The following SYTL1 variants were observed in gnomAD, a reference collection of about 807,000 sequenced individuals.
SYTL1 encodes the protein synaptotagmin like 1, also known as synaptotagmin-like protein 1.
A neutral mutation model predicts 74.6 loss-of-function variants in SYTL1; 53 were observed. The observed-to-expected ratio is 0.71, with a 90% confidence interval of 0.57 to 0.89. The LOEUF (loss-of-function observed/expected upper bound fraction) is 0.89. Among genes scored for constraint, SYTL1 ranks in the 40% least tolerant of loss-of-function variants. The pLI, the probability that SYTL1 is intolerant of heterozygous loss-of-function variation, is 0.00. For missense variants in SYTL1, 728 were observed against 768.7 expected (o/e 0.95, Z 0.63); for synonymous variants, 329 against 324.9 (o/e 1.01, Z -0.14).
Position 27,348,930 on chromosome 1 carries a change from G to A in SYTL1, c.460-150G>A, listed in dbSNP as rs746967365. The A allele has an allele frequency of 2.4e-5, 15 of 631,800 alleles. No individual in the cohort carries two copies. Among genetic ancestry groups the A allele is most frequent in the Non-Finnish European group, 3.6e-5 (13 of 361,006 alleles). 39.1% of individuals were successfully genotyped at this position (631,800 alleles called of 1,614,324 possible). A position where few individuals can be genotyped will look rare whatever the true frequency, so the allele number is the denominator to read the frequency against. On this transcript the variant is annotated intron_variant, in intron 5 of 14. Coordinates refer to ENST00000616558, the MANE Select transcript of SYTL1 (RefSeq NM_001193308.2). This position sits in a 1 kb window ranked among gnomAD's most constrained non-coding sequence, Gnocchi z 4.1. ...GTGAAGCACTGGTCTCACCGCTCCT[G>A]CAGCTGGCTGCCAGCCCTGCCCGGA...
chr1:27,348,976 CTG>C lies in SYTL1; in HGVS notation c.460-103_460-102del, dbSNP rs2015117816. 1.1e-6 allele frequency: 1 copy of C among 906,180 alleles called. No homozygotes were observed. Among genetic ancestry groups the C allele is most frequent in the Non-Finnish European group, 1.7e-6 (1 of 585,732 alleles). The allele number at this position is 906,180 out of a possible 1,614,324, so 56.1% of individuals were successfully genotyped here. A position where few individuals can be genotyped will look rare whatever the true frequency, so the allele number is the denominator to read the frequency against. On this transcript the variant is annotated intron_variant, in intron 5 of 14. Coordinates refer to ENST00000616558, the MANE Select transcript of SYTL1 (RefSeq NM_001193308.2). This position sits in a 1 kb window ranked among gnomAD's most constrained non-coding sequence, Gnocchi z 4.1. Reference sequence around the variant, plus strand: ...CCGGAGGGCTGCCCTAAACCTGAAACTGGGGTAGCTGGCTGGAGCCCTATGAC... The same window carrying C: ...CCGGAGGGCTGCCCTAAACCTGAAACGGGTAGCTGGCTGGAGCCCTATGAC...
chr1:27,351,130 AC>A lies in SYTL1; in HGVS notation c.1165-124del, dbSNP rs2015252476. 1 of 1,327,128 alleles carries A rather than the reference AC, an allele frequency of 7.5e-7. No homozygotes were observed. Among genetic ancestry groups the A allele is most frequent in the South Asian group, 1.4e-5 (1 of 72,648 alleles). The allele number at this position is 1,327,128 out of a possible 1,614,324, so 82.2% of individuals were successfully genotyped here. On this transcript the variant is annotated intron_variant, in intron 11 of 14. Transcript: ENST00000616558. This position sits in a 1 kb window ranked among gnomAD's most constrained non-coding sequence, Gnocchi z 5.0. ...CGGCCCCTTCCCCGAGGGCGCTAGG[AC>A]CCCTAGGTTCTGCCCCTGCAGGCCC... is the stretch of plus-strand genomic sequence containing the variant.
In SYTL1 at chr1:27,350,631, C is replaced by T. The variant is rs2015225189; in HGVS notation, c.1005+146C>T. ...TAACTCGTTATCCAGTGTTGTCAGC[C>T]TCGTGGTGGGCGTGGTGATAGTGCA... On this transcript the variant is annotated intron_variant, in intron 10 of 14. Transcript: ENST00000616558. This position sits in a 1 kb window ranked among gnomAD's most constrained non-coding sequence, Gnocchi z 6.3. The T allele has an allele frequency of 2.8e-6, 3 of 1,057,718 alleles. No homozygotes were observed. Among genetic ancestry groups the T allele is most frequent in the South Asian group, 3.0e-5 (2 of 67,140 alleles). The allele number at this position is 1,057,718 out of a possible 1,614,324, so 65.5% of individuals were successfully genotyped here. A position where few individuals can be genotyped will look rare whatever the true frequency, so the allele number is the denominator to read the frequency against.
Position 27,348,998 on chromosome 1 carries a change from T to A in SYTL1, c.460-82T>A. On this transcript the variant is annotated intron_variant, in intron 5 of 14. Transcript: ENST00000616558. This position sits in a 1 kb window ranked among gnomAD's most constrained non-coding sequence, Gnocchi z 4.1. The stretch of plus-strand genomic sequence containing the variant: ...AAACTGGGGTAGCTGGCTGGAGCCC[T>A]ATGACCTCTGACCCCAATATGACCT... The A allele has an allele frequency of 8.9e-7, 1 of 1,127,078 alleles. No individual in the cohort carries two copies. The highest frequency in any genetic ancestry group is 1.3e-6 in the Non-Finnish European group (1 of 768,784). 69.8% of individuals were successfully genotyped at this position (1,127,078 alleles called of 1,614,324 possible).
rs2015106956 is a variant in SYTL1, at chr1:27,348,751, G to T, written c.460-329G>T. Among the ~76,000 whole-genome samples the T allele has an allele frequency of 6.6e-6, 1 of 152,056 alleles. No homozygotes were observed. Among genetic ancestry groups the T allele is most frequent in the Admixed American group, 6.5e-5 (1 of 15,270 alleles). On this transcript the variant is annotated intron_variant, in intron 5 of 14. Transcript: ENST00000616558. This position sits in a 1 kb window ranked among gnomAD's most constrained non-coding sequence, Gnocchi z 4.1. ...TAAATTTAAAAAAAGAAAAAAGGTT[G>T]TCTACCAATGGGTCAATATAAAAAA...
rs570537970 is a variant in SYTL1 at position 27,346,428 on chromosome 1, C to T, written c.191+903C>T. ...ACCTGACCTCCTTGAGCACCATGCT[C>T]GTCGTCTGTAAAATGGGGCTAAGGA... is the stretch of plus-strand genomic sequence containing the variant. On this transcript the variant is annotated intron_variant, in intron 2 of 14. Transcript: ENST00000616558. 2.6e-5 allele frequency among the ~76,000 whole-genome samples: 4 copies of T among 152,284 alleles called. No homozygotes were observed. The South Asian group carries it at 6.2e-4, about 24-fold the overall frequency.
chr1:27,349,067 T>C lies in SYTL1; in HGVS notation c.460-13T>C. ...GCCCCCGTACTGTGACCTCTACCCC[T>C]TTCTTCCTTCAGGGACCTGATTTCC... On this transcript the variant is annotated splice_polypyrimidine_tract_variant and intron_variant, in intron 5 of 14. Transcript: ENST00000616558. 2.5e-6 allele frequency: 4 copies of C among 1,609,608 alleles called. No homozygotes were observed. The highest frequency in any genetic ancestry group is 2.6e-6 in the Non-Finnish European group (3 of 1,176,026).
Position 27,347,823 on chromosome 1 carries a change from G to T in SYTL1, c.356G>T (p.Gly119Val), listed in dbSNP as rs749329787. Residue 119 changes from glycine to valine, a missense_variant, in exon 4 of 15, where the codon GGC becomes GTC. Coordinates refer to ENST00000616558, the MANE Select transcript of SYTL1 (RefSeq NM_001193308.2). The surrounding 1 kb of genome is among the most constrained non-coding windows in gnomAD (Gnocchi z 4.9). ...CTGCGCCCAGGAGACCAGGCTCCAG[G>T]CCACGACAGGGAGGCTGAGGCTGCT... is the stretch of plus-strand genomic sequence containing the variant. Reference protein sequence around the residue: ...KKSTRGDQAPGHDREAEAAVK... With the variant: ...KKSTRGDQAPVHDREAEAAVK... 4.4e-5 allele frequency: 71 copies of T among 1,613,668 alleles called. No homozygotes were observed. The highest frequency in any genetic ancestry group is 5.7e-5 in the Non-Finnish European group (67 of 1,179,874).
chr1:27,350,093 G>T lies in SYTL1; in HGVS notation c.869G>T (p.Cys290Phe). Residue 290 changes from cysteine to phenylalanine, a missense_variant, in exon 9 of 15, where the codon TGC becomes TTC. Physicochemically the swap from Cys to Phe is radical, Grantham distance 205 (BLOSUM62 -2). Transcript: ENST00000616558. The surrounding 1 kb of genome is among the most constrained non-coding windows in gnomAD (Gnocchi z 6.3). The part of the protein sequence containing the change: ...AAELRVHVIQ[C>F]QGLAAARRRR... ...GAGCTGCGCGTGCACGTGATCCAGT[G>T]CCAGGGCCTGGCCGCCGCCCGGCGC... 1 of 1,435,542 alleles carries T rather than the reference G, an allele frequency of 7.0e-7. No individual in the cohort carries two copies. The highest frequency in any genetic ancestry group is 3.1e-5 in the Admixed American group (1 of 31,856). 88.9% of individuals were successfully genotyped at this position (1,435,542 alleles called of 1,614,324 possible). A position where few individuals can be genotyped will look rare whatever the true frequency, so the allele number is the denominator to read the frequency against.
At position 27,349,742 on chromosome 1, in the gene SYTL1, G is replaced by A. The variant is rs759739911; in HGVS notation, c.724G>A (p.Val242Met). The change falls in exon 8 of 15, where the codon GTG (valine) becomes ATG (methionine). Residue 242 changes from valine (V) to methionine (M), a missense_variant. Val to Met is a conservative substitution (Grantham distance 21). Transcript: ENST00000616558. ...CCGCATGCTCAGCAGCAGCTCCTCG[G>A]TGTCCAGCCTTAACTCCTCCACGGT... ...LDRMLSSSSS[V>M]SSLNSSTLSG... 99 of 1,606,690 alleles carry A rather than the reference G, an allele frequency of 6.2e-5. No individual in the cohort carries two copies. Among genetic ancestry groups the A allele is most frequent in the Non-Finnish European group, 8.3e-5 (98 of 1,178,886 alleles).
chr1:27,346,567 A>T (rs1265563556), intron 2 of SYTL1, among the ~76,000 whole-genome samples: 1 of 152,088 alleles, frequency 6.6e-6, no homozygotes, highest in Admixed American at 6.6e-5. Context: ...ATTCAAGACC[A>T]GCCTGGACAA....
chr1:27,351,723 G>T lies in SYTL1; in HGVS notation c.1343+168G>T. On this transcript the variant is annotated intron_variant, in intron 13 of 14. Transcript: ENST00000616558. The surrounding 1 kb of genome is among the most constrained non-coding windows in gnomAD (Gnocchi z 5.0). ...AAGGCCTGGAGTCAGGGAAGTTGAG[G>T]ACACCTTTGAGGAGCTGCATTTCAG... 2 of 545,364 alleles carry T rather than the reference G, an allele frequency of 3.7e-6. No homozygotes were observed. The highest frequency in any genetic ancestry group is 5.0e-5 in the South Asian group (2 of 40,090). The allele number at this position is 545,364 out of a possible 1,614,324, so 33.8% of individuals were successfully genotyped here.
rs749963407 is a variant in SYTL1 at position 27,347,778 on chromosome 1, G to T, written c.341-30G>T. On this transcript the variant is annotated intron_variant, in intron 3 of 14. Transcript: ENST00000616558. The surrounding 1 kb of genome is among the most constrained non-coding windows in gnomAD (Gnocchi z 4.9). ...TCACAGCCAGGCTTCCTGAGCATGGGGGCTCACAGAACTTCTCACCTGCGC... is the reference window on the plus strand; with the variant it reads ...TCACAGCCAGGCTTCCTGAGCATGGTGGCTCACAGAACTTCTCACCTGCGC... 1.2e-6 allele frequency: 2 copies of T among 1,602,426 alleles called. No individual in the cohort carries two copies. Among genetic ancestry groups the T allele is most frequent in the African/African-American group, 2.7e-5 (2 of 74,756 alleles).
rs140693383 is a variant in SYTL1, at chr1:27,348,424, A to T, written c.459+412A>T. Among the ~76,000 whole-genome samples, 1,072 of 148,840 alleles carry T rather than the reference A, an allele frequency of 7.2e-3. 17 individuals are homozygous for T. Among genetic ancestry groups the T allele is most frequent in the Admixed American group, 0.037 (556 of 14,950 alleles). Reference sequence around the variant, plus strand: ...CCCCCCATGTCTATAAAAAATAAATAAAAAAAAAAGGCCGGTCGTGGCAGC... The same window carrying T: ...CCCCCCATGTCTATAAAAAATAAATTAAAAAAAAAGGCCGGTCGTGGCAGC... On this transcript the variant is annotated intron_variant, in intron 5 of 14. Coordinates refer to ENST00000616558, the MANE Select transcript of SYTL1 (RefSeq NM_001193308.2). This position sits in a 1 kb window ranked among gnomAD's most constrained non-coding sequence, Gnocchi z 4.1.
At chr1:27,349,541 G>C (rs2015150719) in intron 7 of SYTL1, 43 bp downstream of exon 7, 1 of 1,465,124 alleles carries the variant, frequency 6.8e-7, no homozygotes, top group African/African-American at 1.4e-5. Context: ...ATCCGGAGCG[G>C]ACTCCGGGCG....
chr1:27,353,142 A>G, intron 13 of SYTL1, 141 bp from the exon 14 acceptor site: 1 of 813,856 alleles, frequency 1.2e-6, no homozygotes, highest in Non-Finnish European at 2.0e-6. Flanking sequence ...CAAAGGTCCC[A>G]GGGCAGTGAG....
rs1557544486 is a variant in SYTL1, at chr1:27,350,393, G to A, written c.913G>A (p.Val305Ile). Residue 305 changes from valine to isoleucine, a missense_variant, in exon 10 of 15, where the codon GTC (valine) becomes ATC (isoleucine). Coordinates refer to ENST00000616558, the MANE Select transcript of SYTL1 (RefSeq NM_001193308.2). This position sits in a 1 kb window ranked among gnomAD's most constrained non-coding sequence, Gnocchi z 6.3. ...AARRRRSDPY[V>I]KSYLLPDKQS... ...CTCGGGTTCTCACCTCCCCAGCTAC[G>A]TCAAAAGCTACCTCCTCCCGGATAA... 6.2e-7 allele frequency: 1 copy of A among 1,614,014 alleles called. No homozygotes were observed. Among genetic ancestry groups the A allele is most frequent in the Non-Finnish European group, 8.5e-7 (1 of 1,179,882 alleles).
In SYTL1 at chr1:27,342,405, T is replaced by C. The variant is rs777441524; in HGVS notation, c.-39+255T>C. The C allele has an allele frequency of 3.3e-6, 3 of 906,330 alleles. No individual in the cohort carries two copies. Among genetic ancestry groups the C allele is most frequent in the Non-Finnish European group, 4.0e-6 (3 of 757,650 alleles). The allele number at this position is 906,330 out of a possible 1,614,324, so 56.1% of individuals were successfully genotyped here. On this transcript the variant is annotated intron_variant, in intron 1 of 14. Transcript: ENST00000616558. The surrounding 1 kb of genome is among the most constrained non-coding windows in gnomAD (Gnocchi z 4.7). Reference sequence around the variant, plus strand: ...GCCTCTGGTTGGTAGGAGAGGGGACTTCAGGGAGGGGGCACTGCTGAGGAC... The same window carrying C: ...GCCTCTGGTTGGTAGGAGAGGGGACCTCAGGGAGGGGGCACTGCTGAGGAC...
In SYTL1 at chr1:27,351,410, C is replaced by A; in HGVS notation, c.1244-46C>A. 1.3e-6 allele frequency: 2 copies of A among 1,503,158 alleles called. No individual in the cohort carries two copies. The highest frequency in any genetic ancestry group is 1.8e-6 in the Non-Finnish European group (2 of 1,120,260). 93.1% of individuals were successfully genotyped at this position (1,503,158 alleles called of 1,614,324 possible). On this transcript the variant is annotated intron_variant, in intron 12 of 14. Transcript: ENST00000616558. The surrounding 1 kb of genome is among the most constrained non-coding windows in gnomAD (Gnocchi z 5.0). ...AGACTCCAGTCCCCGGGTTTGGGGGCGGTGGACTCCATCCGTGTGCGGGCC... is the reference window on the plus strand; with the variant it reads ...AGACTCCAGTCCCCGGGTTTGGGGGAGGTGGACTCCATCCGTGTGCGGGCC...
Sources: allele counts gnomAD v4.1 joint callset (sites outside exome capture counted in the v4.1 genomes callset), GRCh38; gene constraint gnomAD v4.1.1; non-coding constraint Gnocchi (gnomAD v3.1); transcripts MANE v1.5; gene names NCBI Gene and HGNC (gene_info 2026-07-23, HGNC 2026-07-21).